The following TCF12 variants were observed in gnomAD, a reference collection of about 807,000 sequenced individuals.
TCF12 encodes the protein DNA-binding protein HTF4.
A neutral mutation model predicts 86.0 loss-of-function variants in TCF12; 45 were observed. The ratio of observed to expected loss-of-function variants is 0.52; its 90% CI spans 0.41 to 0.67. The LOEUF (loss-of-function observed/expected upper bound fraction) is 0.67. TCF12 is among the 30% of genes least tolerant of loss of function. The pLI, the probability that TCF12 is intolerant of heterozygous loss-of-function variation, is 0.00. For synonymous variants in TCF12, 330 were observed against 299.6 expected, an observed-to-expected ratio of 1.10 and a Z score of -1.05; for missense variants, 881 against 859.9, an observed-to-expected ratio of 1.02 and a Z score of -0.31.
At chr15:57,254,129 C>A (rs1429406798) in intron 16 of TCF12, among the ~76,000 whole-genome samples, 3 of 152,116 alleles carry the variant, frequency 2.0e-5, no homozygotes, top group Non-Finnish European at 4.4e-5. Context: ...TTTGAACCTG[C>A]TATTTTAAAC....
intron 16 of TCF12, among the ~76,000 whole-genome samples, chr15:57,260,331 G>A (rs183946342): frequency 6.6e-6 from 1 of 152,168 alleles, no homozygotes; most frequent in Non-Finnish European, 1.5e-5. Context: ...GAAGTAAAAG[G>A]AAATCAGAAT....
At chr15:56,948,182 C>T (rs768137221) in intron 3 of TCF12, among the ~76,000 whole-genome samples, 6 of 151,556 alleles carry the variant, frequency 4.0e-5, no homozygotes, top group Non-Finnish European at 7.4e-5. Context: ...AATGCAGTGG[C>T]GTGATCATGG....
At chr15:57,200,423 C>A (rs1299097866) in intron 8 of TCF12, among the ~76,000 whole-genome samples, 1 of 151,922 alleles carries the variant, frequency 6.6e-6, no homozygotes, top group Non-Finnish European at 1.5e-5. Context: ...TTTTGACATG[C>A]AAACTATAAG....
chr15:57,209,061 G>A (rs181565611), intron 8 of TCF12, among the ~76,000 whole-genome samples: 2 of 152,274 alleles, frequency 1.3e-5, no homozygotes, highest in Admixed American at 1.3e-4. Context: ...GGCACATGAT[G>A]TAGTATTTAG....
intron 3 of TCF12, among the ~76,000 whole-genome samples, chr15:57,002,883 T>A (rs2064134836): frequency 1.3e-5 from 2 of 152,210 alleles, no homozygotes. Context: ...ACAGATGATA[T>A]GAATTCTGTA....
chr15:57,220,005 C>G (rs1341714556), intron 8 of TCF12, among the ~76,000 whole-genome samples: 1 of 152,114 alleles, frequency 6.6e-6, no homozygotes, highest in African/African-American at 2.4e-5. Context: ...GAATTACAGG[C>G]ATGAGCCACC....
intron 3 of TCF12, among the ~76,000 whole-genome samples, chr15:57,038,254 A>G (rs565532535): frequency 1.3e-5 from 2 of 151,946 alleles, no homozygotes; most frequent in Admixed American, 1.3e-4. Context: ...CAACATAGTG[A>G]GATCCCATCT....
At chr15:56,944,417 A>G (rs949751136) in intron 3 of TCF12, among the ~76,000 whole-genome samples, 6 of 152,190 alleles carry the variant, frequency 3.9e-5, no homozygotes, top group Non-Finnish European at 5.9e-5. Flanking sequence ...TGTGGGTTAG[A>G]TATGTTGTCT....
chr15:57,155,312 G>A (rs1314758472), intron 5 of TCF12, among the ~76,000 whole-genome samples: 2 of 151,998 alleles, frequency 1.3e-5, no homozygotes, highest in African/African-American at 2.4e-5. Context: ...GAGTTAATAT[G>A]TAAGATTTTT....
intron 4 of TCF12, among the ~76,000 whole-genome samples, chr15:57,065,917 T>G (rs1198403487): frequency 6.6e-6 from 1 of 152,190 alleles, no homozygotes; most frequent in African/African-American, 2.4e-5. Flanking sequence ...TCTACCTGTC[T>G]ATTGAGAGAT....
At chr15:57,092,137 T>C (rs914092247) in intron 5 of TCF12, 2 of 359,204 alleles carry the variant, frequency 5.6e-6, no homozygotes, top group Non-Finnish European at 1.0e-5. Flanking sequence ...ATTGTCAGTT[T>C]TGGCAATGTC....
At chr15:57,007,475 T>G (rs2141114584) in intron 3 of TCF12, among the ~76,000 whole-genome samples, 1 of 152,306 alleles carries the variant, frequency 6.6e-6, no homozygotes, top group African/African-American at 2.4e-5. Flanking sequence ...TGGAGTATGG[T>G]AAATGTTCTT....
At chr15:57,272,916 T>G (rs1248488405) in intron 18 of TCF12, 114 bp from the exon 19 acceptor site, 1 of 996,568 alleles carries the variant, frequency 1.0e-6, no homozygotes, top group Non-Finnish European at 1.5e-6. Context: ...TACAACTGTT[T>G]ACAAGATTTA....
intron 6 of TCF12, among the ~76,000 whole-genome samples, chr15:57,181,176 CTTGGCGT>C (rs535082553): frequency 1.2e-4 from 19 of 152,160 alleles, no homozygotes; most frequent in Admixed American, 6.5e-4. Context: ...TTATGAGTGG[CTTGGCGT>C]TTAAGCCAAG....
chr15:57,232,954 TG>T, intron 11 of TCF12, 98 bp downstream of exon 11: 14 of 733,070 alleles, frequency 1.9e-5, no homozygotes, highest in Non-Finnish European at 2.3e-5. Context: ...TATATATAAA[TG>T]TTATATATAT....
At chr15:56,926,157 C>T (rs185782113) in intron 3 of TCF12, among the ~76,000 whole-genome samples, 60 of 152,132 alleles carry the variant, frequency 3.9e-4, no homozygotes, top group Non-Finnish European at 6.2e-4. Context: ...ACCAAAAATA[C>T]ACAGAATTAG....
chr15:57,235,213 C>T (rs1406165219), intron 12 of TCF12, among the ~76,000 whole-genome samples: 1 of 152,088 alleles, frequency 6.6e-6, no homozygotes, highest in Non-Finnish European at 1.5e-5. Flanking sequence ...AATAACAAAA[C>T]CCACAAAATA....
intron 3 of TCF12, among the ~76,000 whole-genome samples, chr15:56,998,598 A>T (rs758404890): frequency 6.6e-6 from 1 of 152,138 alleles, no homozygotes; most frequent in Non-Finnish European, 1.5e-5. Context: ...ATAATTGAAG[A>T]CTTCAAAATT....
intron 6 of TCF12, among the ~76,000 whole-genome samples, chr15:57,176,090 C>T (rs538986182): frequency 3.6e-4 from 55 of 152,222 alleles, no homozygotes; most frequent in Non-Finnish European, 7.2e-4. Flanking sequence ...TCCCACTCCT[C>T]TGGAGGCTGA....
Sources: gnomAD v4.1 joint callset for allele counts (sites outside exome capture counted in the v4.1 genomes callset) on GRCh38, gnomAD v4.1.1 for gene constraint, MANE v1.5 for transcripts, NCBI Gene and HGNC (gene_info 2026-07-23, HGNC 2026-07-21) for gene names.